Variants in SLC2A10 observed in about 807,000 individuals in gnomAD.
The protein encoded by SLC2A10 is solute carrier family 2, facilitated glucose transporter member 10.
Under a neutral mutation model 32.1 loss-of-function variants are expected in SLC2A10, and 25 were observed. The ratio of observed to expected loss-of-function variants is 0.78; its 90% CI spans 0.57 to 1.09. The LOEUF (loss-of-function observed/expected upper bound fraction) is 1.09, where lower values mean the gene tolerates loss of function less well. Ranked by LOEUF, SLC2A10 falls within the 50% of genes least tolerant of loss-of-function variation. The pLI, the probability that SLC2A10 is intolerant of heterozygous loss-of-function variation, is 0.00. For missense variants in SLC2A10, 673 were observed against 686.5 expected, an observed-to-expected ratio of 0.98 and a Z score of 0.22; for synonymous variants, 332 against 309.6, an observed-to-expected ratio of 1.07 and a Z score of -0.76.
Position 46,714,952 on chromosome 20 carries a change from C to T in SLC2A10, c.4+5212C>T, listed in dbSNP as rs144482896. 2.7e-4 allele frequency among the ~76,000 whole-genome samples: 41 copies of T among 152,300 alleles called. No individual in the cohort carries two copies. In the East Asian group the frequency reaches 6.6e-3, roughly 24 times the overall value. On this transcript the variant is annotated intron_variant, in intron 1 of 4. Coordinates refer to ENST00000359271, the MANE Select transcript of SLC2A10 (RefSeq NM_030777.4). ...CTCCTGCACCCCAGTTTCCTCCCAC[C>T]GCACCTATCTCTGATTGACTCTTCT...
At position 46,726,053 on chromosome 20, in the gene SLC2A10, A is replaced by G; in HGVS notation, c.1017A>G (p.Thr339=). 6.2e-7 allele frequency: 1 copy of G among 1,614,180 alleles called. No individual in the cohort carries two copies. Among genetic ancestry groups the G allele is most frequent in the Non-Finnish European group, 8.5e-7 (1 of 1,180,030 alleles). Residue 339 remains threonine, a synonymous_variant, in exon 2 of 5, where the codon ACA becomes ACG. Transcript: ENST00000359271. ...CLAVPNATGQ[T]GLPGDSGLLQ... is the part of the protein sequence containing the mutation. ...CTGTGCCCAATGCCACCGGGCAGACAGGCCTCCCTGGAGACTCTGGCCTGC... is the reference window on the plus strand; with the variant it reads ...CTGTGCCCAATGCCACCGGGCAGACGGGCCTCCCTGGAGACTCTGGCCTGC...
chr20:46,724,879 T>TGGATGGAC (rs1979781083), intron 1 of SLC2A10, among the ~76,000 whole-genome samples, 162 bp from the exon 2 acceptor site: 1 of 147,604 alleles, frequency 6.8e-6, no homozygotes, highest in African/African-American at 2.5e-5. Context: ...GATGGACGGA[T>TGGATGGAC]GGATGGATGG....
rs759713763 is a variant in SLC2A10 at position 46,733,762 on chromosome 20, C to G, written c.1554C>G (p.Thr518=). 1.9e-6 allele frequency: 3 copies of G among 1,614,072 alleles called. No individual in the cohort carries two copies. The highest frequency in any genetic ancestry group is 2.2e-5 in the South Asian group (2 of 91,086). The change falls in exon 5 of 5, where the codon ACC becomes ACG. Residue 518 remains threonine, a synonymous_variant. Coordinates refer to ENST00000359271, the MANE Select transcript of SLC2A10 (RefSeq NM_030777.4). ...IDQQFQKRRF[T]LSFGHRQNST... is the part of the protein sequence containing the mutation. Reference sequence around the variant, plus strand: ...CGCATTCTTTGTCTGACAGGTTCACCCTGAGCTTTGGCCACAGGCAGAACT... The same window carrying G: ...CGCATTCTTTGTCTGACAGGTTCACGCTGAGCTTTGGCCACAGGCAGAACT...
chr20:46,715,265 C>T (rs1291780365), intron 1 of SLC2A10, among the ~76,000 whole-genome samples: 1 of 135,442 alleles, frequency 7.4e-6, no homozygotes, highest in Non-Finnish European at 1.7e-5. Context: ...TTTCTATTGT[C>T]CATTGGCCTT....
chr20:46,722,397 A>C (rs4239646), intron 1 of SLC2A10, among the ~76,000 whole-genome samples: 23,088 of 152,196 alleles, frequency 0.15, 3,116 homozygotes, highest in African/African-American at 0.35. Flanking sequence ...CCCATACCTG[A>C]CCTCCAGAAA....
chr20:46,730,642 G>A (rs1219776325), intron 4 of SLC2A10, among the ~76,000 whole-genome samples: 1 of 152,212 alleles, frequency 6.6e-6, no homozygotes, highest in African/African-American at 2.4e-5. Flanking sequence ...AACAGAGGGA[G>A]GAAGGGAAGA....
At chr20:46,732,391 G>T (rs1441491249) in intron 4 of SLC2A10, among the ~76,000 whole-genome samples, 1 of 152,134 alleles carries the variant, frequency 6.6e-6, no homozygotes, top group Non-Finnish European at 1.5e-5. Context: ...ACTGTAGTAG[G>T]CTCTGGGGAC....
chr20:46,709,743 A>G lies in SLC2A10; in HGVS notation c.4+3A>G, dbSNP rs779162796. On this transcript the variant is annotated splice_donor_region_variant and intron_variant, in intron 1 of 4. Transcript: ENST00000359271. ...CCGCCGAGTCCCGCTCGCCATGGGT[A>G]AGTCCCGATCGGGCGCTGCCTGCTG... The G allele has an allele frequency of 1.3e-6, 2 of 1,547,464 alleles. No individual in the cohort carries two copies. The highest frequency in any genetic ancestry group is 2.0e-5 in the Admixed American group (1 of 50,956).
In SLC2A10 at chr20:46,709,693, C is replaced by T; in HGVS notation, c.-44C>T. ...GGGGACTCCGGCGGGGGATGCGCGCCCGGCCCCTCAGCGCCCCCAGCACGC... is the reference window on the plus strand; with the variant it reads ...GGGGACTCCGGCGGGGGATGCGCGCTCGGCCCCTCAGCGCCCCCAGCACGC... On this transcript the variant is annotated 5_prime_UTR_variant, in exon 1 of 5. Coordinates refer to ENST00000359271, the MANE Select transcript of SLC2A10 (RefSeq NM_030777.4). The T allele has an allele frequency of 1.3e-6, 2 of 1,536,718 alleles. No individual in the cohort carries two copies. Among genetic ancestry groups the T allele is most frequent in the East Asian group, 5.1e-5 (2 of 39,456 alleles).
chr20:46,718,139 C>T (rs944341099), intron 1 of SLC2A10, among the ~76,000 whole-genome samples: 3 of 152,006 alleles, frequency 2.0e-5, no homozygotes, highest in South Asian at 2.1e-4. Context: ...AGGAGGATCA[C>T]TTGAGCCCGG....
intron 2 of SLC2A10, 67 bp from the exon 3 acceptor site, chr20:46,726,797 T>C: frequency 6.2e-7 from 1 of 1,608,356 alleles, no homozygotes; most frequent in Non-Finnish European, 8.5e-7. Flanking sequence ...GGCTGCATGT[T>C]TGACCTGATG....
chr20:46,728,157 C>T (rs1399547019), intron 3 of SLC2A10, among the ~76,000 whole-genome samples: 1 of 152,012 alleles, frequency 6.6e-6, no homozygotes, highest in Non-Finnish European at 1.5e-5. Context: ...ATATATCATC[C>T]CCATTTCACA....
intron 1 of SLC2A10, among the ~76,000 whole-genome samples, chr20:46,713,372 C>T (rs767512449): frequency 2.6e-5 from 4 of 151,790 alleles, no homozygotes; most frequent in East Asian, 1.9e-4. Context: ...ACAGCCTCAC[C>T]GAGAAGGGGA....
At chr20:46,709,577 C>A, upstream of SLC2A10, 1 of 903,050 alleles carries the variant, frequency 1.1e-6, no homozygotes. Context: ...GGCTGGCCGA[C>A]GTGGCGTTGG....
chr20:46,727,065 C>T (rs1980015399), intron 3 of SLC2A10, 79 bp downstream of exon 3: 2 of 1,541,624 alleles, frequency 1.3e-6, no homozygotes, highest in South Asian at 1.1e-5. Context: ...TTGGATTTTC[C>T]TATGTATTAG....
At chr20:46,728,738 C>T (rs1043429891) in intron 3 of SLC2A10, among the ~76,000 whole-genome samples, 1 of 151,670 alleles carries the variant, frequency 6.6e-6, no homozygotes, top group Non-Finnish European at 1.5e-5. Context: ...CAGCCTCAGC[C>T]TCCCGAGTAG....
rs778104155 is a variant in SLC2A10, at chr20:46,725,283, T to A, written c.247T>A (p.Leu83Met). The A allele has an allele frequency of 6.2e-7, 1 of 1,614,174 alleles. No individual in the cohort carries two copies. The highest frequency in any genetic ancestry group is 8.5e-7 in the Non-Finnish European group (1 of 1,180,036). ...GRKQAILGSNLVLLAGSLTLG... is the reference protein window; with the variant it reads ...GRKQAILGSNMVLLAGSLTLG... ...GAAGCAAGCCATCCTCGGGAGCAACTTGGTGCTGCTGGCAGGCAGCCTGAC... is the reference window on the plus strand; with the variant it reads ...GAAGCAAGCCATCCTCGGGAGCAACATGGTGCTGCTGGCAGGCAGCCTGAC... Residue 83 changes from leucine to methionine, a missense_variant, in exon 2 of 5, where the codon TTG (leucine) becomes ATG (methionine). Coordinates refer to ENST00000359271, the MANE Select transcript of SLC2A10 (RefSeq NM_030777.4).
intron 1 of SLC2A10, among the ~76,000 whole-genome samples, chr20:46,715,799 G>A (rs1223372247): frequency 3.9e-5 from 6 of 152,144 alleles, no homozygotes; most frequent in Admixed American, 3.9e-4. Flanking sequence ...AGACAGCCTG[G>A]CTTTCATTCT....
At chr20:46,727,131 G>A (rs1980019081) in intron 3 of SLC2A10, 145 bp downstream of exon 3, 2 of 1,154,380 alleles carry the variant, frequency 1.7e-6, no homozygotes, top group South Asian at 2.5e-5. Flanking sequence ...ACGACATCCA[G>A]GACCCTCATA....
Sources: gnomAD v4.1 joint callset for allele counts (sites outside exome capture counted in the v4.1 genomes callset) on GRCh38, gnomAD v4.1.1 for gene constraint, MANE v1.5 for transcripts, NCBI Gene and HGNC (gene_info 2026-07-23, HGNC 2026-07-21) for gene names.